The following SLC2A2 variants were observed in gnomAD, a reference collection of about 807,000 sequenced individuals.
SLC2A2 encodes the protein solute carrier family 2, facilitated glucose transporter member 2.
A neutral mutation model predicts 54.5 loss-of-function variants in SLC2A2; 36 were observed. The observed-to-expected ratio is 0.66, with a 90% CI of 0.51 to 0.87. The LOEUF (loss-of-function observed/expected upper bound fraction) is 0.87, where lower values mean the gene tolerates loss of function less well. Ranked by LOEUF, SLC2A2 falls within the 40% of genes least tolerant of loss-of-function variation. SLC2A2 has a pLI of 0.00. For missense variants in SLC2A2, 543 were observed against 624.3 expected (o/e 0.87, Z 1.39); for synonymous variants, 223 against 219.1 (o/e 1.02, Z -0.16).
intron 4 of SLC2A2, among the ~76,000 whole-genome samples, chr3:171,009,250 A>T (rs1036802461): frequency 9.2e-5 from 14 of 152,102 alleles, no homozygotes; most frequent in Admixed American, 3.3e-4. Flanking sequence ...TGTCTCCAAG[A>T]ACTAGCGATT....
At chr3:170,998,561 T>C (rs1448888557) in intron 9 of SLC2A2, among the ~76,000 whole-genome samples, 165 bp from the exon 10 acceptor site, 1 of 152,174 alleles carries the variant, frequency 6.6e-6, no homozygotes, top group African/African-American at 2.4e-5. Context: ...CTAGTCTGAA[T>C]CATGCATAAC....
intron 1 of SLC2A2, among the ~76,000 whole-genome samples, chr3:171,024,647 A>G (rs1213871223): frequency 1.3e-5 from 2 of 152,244 alleles, no homozygotes; most frequent in East Asian, 3.8e-4. Flanking sequence ...GAGACCTTAG[A>G]GAACAATGGA....
chr3:171,014,600 A>C lies in SLC2A2; in HGVS notation c.240T>G (p.Pro80=). ...CTGCCACAGTCTCTTCCTCAGCCCA[A>C]GGGGTTGGTTTTGGGTTCATTGAGT... The part of the protein sequence containing the change: ...ISYSMNPKPT[P]WAEEETVAAA... The change falls in exon 3 of 11, where the codon CCT becomes CCG. Residue 80 remains proline, a synonymous_variant. Transcript: ENST00000314251. 1 of 1,614,106 alleles carries C rather than the reference A, an allele frequency of 6.2e-7. No homozygotes were observed. Among genetic ancestry groups the C allele is most frequent in the Non-Finnish European group, 8.5e-7 (1 of 1,180,004 alleles).
chr3:171,007,716 G>A (rs1047302148), intron 4 of SLC2A2, among the ~76,000 whole-genome samples: 5 of 152,008 alleles, frequency 3.3e-5, no homozygotes, highest in Admixed American at 3.3e-4. Context: ...CAGAGCATTA[G>A]TGTGAGAACA....
intron 6 of SLC2A2, 101 bp from the exon 7 acceptor site, chr3:171,005,573 ATTAC>A (rs1715557602): frequency 1.1e-6 from 1 of 896,850 alleles, no homozygotes; most frequent in African/African-American, 1.7e-5. Context: ...GCCCCATTGT[ATTAC>A]TTAATAGCAT....
intron 4 of SLC2A2, among the ~76,000 whole-genome samples, chr3:171,008,758 ATAT>A (rs1715737324): frequency 6.6e-6 from 1 of 152,076 alleles, no homozygotes; most frequent in African/African-American, 2.4e-5. Flanking sequence ...CTCAGATTTA[ATAT>A]TTAAGGCCAT....
intron 6 of SLC2A2, 115 bp downstream of exon 6, chr3:171,005,828 C>A: frequency 9.3e-7 from 1 of 1,078,562 alleles, no homozygotes; most frequent in South Asian, 1.3e-5. Context: ...CATATAAAAG[C>A]GATTTTGCAC....
At chr3:171,001,557 A>G (rs570621843) in intron 8 of SLC2A2, among the ~76,000 whole-genome samples, 1 of 152,184 alleles carries the variant, frequency 6.6e-6, no homozygotes, top group East Asian at 1.9e-4. Flanking sequence ...TTAAGAGTTC[A>G]TGTGCAGAGA....
chr3:171,026,687 C>T lies in SLC2A2; in HGVS notation c.-17G>A, dbSNP rs1227101930. The T allele has an allele frequency of 6.2e-7, 1 of 1,611,946 alleles. No homozygotes were observed. Among genetic ancestry groups the T allele is most frequent in the Middle Eastern group, 1.7e-4 (1 of 6,058 alleles). ...TTCTGTCATTGTACTAGTTGGGAGT[C>T]CTGTCAATTCCAGGTCTTGTGTGAG... On this transcript the variant is annotated 5_prime_UTR_variant, in exon 1 of 11. Coordinates refer to ENST00000314251, the MANE Select transcript of SLC2A2 (RefSeq NM_000340.2).
At chr3:171,005,032 T>G (rs1281800877) in intron 7 of SLC2A2, among the ~76,000 whole-genome samples, 1 of 142,006 alleles carries the variant, frequency 7.0e-6, no homozygotes, top group East Asian at 1.9e-4. Context: ...TGTATTAAGA[T>G]TTTTGCTTTT....
intron 6 of SLC2A2, among the ~76,000 whole-genome samples, 153 bp downstream of exon 6, chr3:171,005,790 C>T (rs1715569212): frequency 6.6e-6 from 1 of 151,980 alleles, no homozygotes; most frequent in East Asian, 1.9e-4. Flanking sequence ...AAGTGAATGC[C>T]TATGGGTGCC....
intron 1 of SLC2A2, among the ~76,000 whole-genome samples, chr3:171,020,082 G>A (rs1450006530): frequency 6.6e-6 from 1 of 152,140 alleles, no homozygotes; most frequent in Non-Finnish European, 1.5e-5. Context: ...TCTCTTAGTA[G>A]GTATGTGACC....
chr3:171,002,478 A>T (rs1366479967), intron 8 of SLC2A2, 98 bp downstream of exon 8: 24 of 774,296 alleles, frequency 3.1e-5, no homozygotes, highest in Admixed American at 2.4e-4. Flanking sequence ...CATGTGTACA[A>T]TAAGTCATTG....
At position 170,997,891 on chromosome 3, in the gene SLC2A2, AG is replaced by A; in HGVS notation, c.*11del. Reference sequence around the variant, plus strand: ...ATTGTTTCTGTTCATGTCAAAAAGCAGGGTTTTTTTTTTACACAGTCTCTGT... The same window carrying A: ...ATTGTTTCTGTTCATGTCAAAAAGCAGGTTTTTTTTTTACACAGTCTCTGT... On this transcript the variant is annotated 3_prime_UTR_variant, in exon 11 of 11. Transcript: ENST00000314251. The A allele has an allele frequency of 6.2e-7, 1 of 1,604,758 alleles. No homozygotes were observed. Among genetic ancestry groups the A allele is most frequent in the South Asian group, 1.1e-5 (1 of 90,024 alleles).
rs765535385 is a variant in SLC2A2 at position 170,997,894 on chromosome 3, G to A, written c.*9C>T. On this transcript the variant is annotated 3_prime_UTR_variant, in exon 11 of 11. Transcript: ENST00000314251. ...GTTTCTGTTCATGTCAAAAAGCAGG[G>A]TTTTTTTTTTACACAGTCTCTGTAG... 3 of 1,433,056 alleles carry A rather than the reference G, an allele frequency of 2.1e-6. No individual in the cohort carries two copies. The South Asian group carries it at 3.7e-5, about 18-fold the overall frequency. 88.8% of individuals were successfully genotyped at this position (1,433,056 alleles called of 1,614,324 possible).
Position 170,998,046 on chromosome 3 carries a change from G to A in SLC2A2, c.1432C>T (p.Leu478=), listed in dbSNP as rs5397. 10 of 1,613,494 alleles carry A rather than the reference G, an allele frequency of 6.2e-6. No homozygotes were observed. The African/African-American group carries it at 9.3e-5, about 15-fold the overall frequency. The change falls in exon 11 of 11, where the codon CTG becomes TTG. Residue 478 remains leucine (L), a synonymous_variant. Transcript: ENST00000314251. ...TCTGGAACTTTAAAAAATGTGAACA[G>A]GGTAAAGGCCAGGAGCACTCCAGCA... ...LFAGVLLAFT[L]FTFFKVPETK... is the part of the protein sequence containing the mutation.
chr3:171,010,815 A>G lies in SLC2A2; in HGVS notation c.372-733T>C, dbSNP rs575089107. 5.9e-5 allele frequency among the ~76,000 whole-genome samples: 9 copies of G among 152,304 alleles called. No individual in the cohort carries two copies. The South Asian group carries it at 1.9e-3, about 32-fold the overall frequency. Reference sequence around the variant, plus strand: ...TGTAAAATACATAATAGAGCTGACAATAGCAACAAAAACACTTTCAAAATT... The same window carrying G: ...TGTAAAATACATAATAGAGCTGACAGTAGCAACAAAAACACTTTCAAAATT... On this transcript the variant is annotated intron_variant, in intron 3 of 10. Transcript: ENST00000314251.
chr3:171,024,542 A>G lies in SLC2A2; in HGVS notation c.15+2114T>C, dbSNP rs185174171. The stretch of plus-strand genomic sequence containing the variant: ...GAGAAGCTTATACCCTTTTCTTTAA[A>G]CTACATGTCTCCAAAACCTAAACCA... On this transcript the variant is annotated intron_variant, in intron 1 of 10. Transcript: ENST00000314251. 1.9e-3 allele frequency among the ~76,000 whole-genome samples: 296 copies of G among 152,286 alleles called. 1 individual carries two copies. Among genetic ancestry groups the G allele is most frequent in the Non-Finnish European group, 3.0e-3 (201 of 68,022 alleles).
intron 1 of SLC2A2, among the ~76,000 whole-genome samples, chr3:171,021,687 G>A (rs1356284020): frequency 6.6e-6 from 1 of 152,140 alleles, no homozygotes; most frequent in Non-Finnish European, 1.5e-5. Context: ...GTTGTTGGTA[G>A]GCTGTGTTCC....
Sources: gnomAD v4.1 joint callset for allele counts (sites outside exome capture counted in the v4.1 genomes callset) on GRCh38, gnomAD v4.1.1 for gene constraint, MANE v1.5 for transcripts, NCBI Gene and HGNC (gene_info 2026-07-23, HGNC 2026-07-21) for gene names.